CCDC192: variants seen among roughly 807,000 people sequenced by gnomAD.
CCDC192 encodes coiled-coil domain containing 192, also known as coiled-coil domain-containing protein 192.
intron 2 of CCDC192, among the ~76,000 whole-genome samples, chr5:127,748,904 CTGTT>C (rs1267728387): frequency 1.3e-5 from 2 of 151,482 alleles, no homozygotes; most frequent in African/African-American, 2.4e-5. Context: ...ATTTGGCTCT[CTGTT>C]TGTCTGTTGT....
intron 3 of CCDC192, among the ~76,000 whole-genome samples, chr5:127,769,816 G>A (rs1755445478): frequency 1.3e-5 from 2 of 152,202 alleles, no homozygotes; most frequent in Admixed American, 6.5e-5. Context: ...CAATAACGTA[G>A]TCGAGGGCAG....
At chr5:127,845,468 G>A (rs754268128) in intron 5 of CCDC192, among the ~76,000 whole-genome samples, 3 of 152,164 alleles carry the variant, frequency 2.0e-5, no homozygotes, top group Non-Finnish European at 2.9e-5. Flanking sequence ...AAACCACATG[G>A]GACAGACTTG....
chr5:127,902,731 AG>A lies in CCDC192; in HGVS notation c.535+27071del, dbSNP rs556898966. ...TGTTCTGGGTTCATGTGCATCATAG[AG>A]TAACCTCCTGGGCAATTAGCAGTGG... On this transcript the variant is annotated intron_variant, in intron 6 of 6. Transcript: ENST00000514853. 2.3e-3 allele frequency among the ~76,000 whole-genome samples: 353 copies of A among 152,352 alleles called. 1 individual carries two copies. Among genetic ancestry groups the A allele is most frequent in the African/African-American group, 8.1e-3 (335 of 41,580 alleles).
Position 127,773,156 on chromosome 5 carries a change from A to G in CCDC192, c.222+18781A>G, listed in dbSNP as rs78240715. 1.3e-3 allele frequency among the ~76,000 whole-genome samples: 198 copies of G among 152,356 alleles called. No individual in the cohort carries two copies. The East Asian group carries it at 0.019, about 15-fold the overall frequency. ...TACCCACCTGAGGTTTGTATTTATT[A>G]ATTTAAAATGAAACCAGTGAATCCA... On this transcript the variant is annotated intron_variant, in intron 3 of 6. Coordinates refer to ENST00000514853, the MANE Select transcript of CCDC192 (RefSeq NM_001317938.2).
At chr5:127,843,023 A>C (rs923085405) in intron 5 of CCDC192, among the ~76,000 whole-genome samples, 2 of 141,088 alleles carry the variant, frequency 1.4e-5, no homozygotes, top group Non-Finnish European at 3.0e-5. Context: ...GCTGTATTTT[A>C]GTCAAGTTTT....
At chr5:127,880,280 T>G (rs1335538688) in intron 6 of CCDC192, among the ~76,000 whole-genome samples, 1 of 152,018 alleles carries the variant, frequency 6.6e-6, no homozygotes. Context: ...CCATAAAAAG[T>G]GATGAGTTCA....
At chr5:127,717,954 G>GAACAA (rs1030106577) in intron 2 of CCDC192, among the ~76,000 whole-genome samples, 3 of 125,776 alleles carry the variant, frequency 2.4e-5, no homozygotes, top group South Asian at 2.6e-4. Context: ...AAGAAAACAA[G>GAACAA]AACAAAACAA....
chr5:127,836,262 A>G (rs1750030313), intron 5 of CCDC192, among the ~76,000 whole-genome samples: 1 of 152,184 alleles, frequency 6.6e-6, no homozygotes, highest in South Asian at 2.1e-4. Flanking sequence ...ACACTGATAC[A>G]AGAGGTGGGC....
chr5:127,889,731 C>A (rs1023251407), intron 6 of CCDC192, among the ~76,000 whole-genome samples: 1 of 152,210 alleles, frequency 6.6e-6, no homozygotes, highest in African/African-American at 2.4e-5. Context: ...TGATTGGCCT[C>A]CCTACCCCAG....
At chr5:127,788,507 CTTAAA>C (rs759065239) in intron 3 of CCDC192, among the ~76,000 whole-genome samples, 62 of 152,232 alleles carry the variant, frequency 4.1e-4, no homozygotes, top group Admixed American at 7.9e-4. Context: ...GTCAAAGTCA[CTTAAA>C]TTAAAATATT....
chr5:127,726,983 A>G (rs1485224351), intron 2 of CCDC192, among the ~76,000 whole-genome samples: 1 of 152,194 alleles, frequency 6.6e-6, no homozygotes, highest in Non-Finnish European at 1.5e-5. Context: ...CACATTATAC[A>G]GGAGCATTCC....
intron 6 of CCDC192, among the ~76,000 whole-genome samples, chr5:127,882,242 C>T (rs1752385682): frequency 6.6e-6 from 1 of 152,216 alleles, no homozygotes; most frequent in African/African-American, 2.4e-5. Flanking sequence ...CACTACACAA[C>T]TTATCCCATT....
intron 3 of CCDC192, chr5:127,786,250 C>G (rs1009601058): frequency 4.3e-6 from 3 of 691,080 alleles, no homozygotes; most frequent in African/African-American, 1.8e-5. Flanking sequence ...CTGAAGCACA[C>G]AAGCCTCTGC....
intron 5 of CCDC192, among the ~76,000 whole-genome samples, chr5:127,851,285 A>G (rs1056518391): frequency 4.6e-5 from 7 of 152,184 alleles, no homozygotes; most frequent in African/African-American, 1.4e-4. Flanking sequence ...TCAGCTTCCT[A>G]CCACCATGCA....
At chr5:127,870,873 A>G (rs1000423566) in intron 5 of CCDC192, among the ~76,000 whole-genome samples, 8 of 152,232 alleles carry the variant, frequency 5.3e-5, no homozygotes, top group South Asian at 2.1e-4. Flanking sequence ...TTGATTGGCT[A>G]TTAGAAGAGA....
At chr5:127,736,635 G>A (rs540819781) in intron 2 of CCDC192, among the ~76,000 whole-genome samples, 68 of 151,904 alleles carry the variant, frequency 4.5e-4, no homozygotes, top group African/African-American at 1.6e-3. Context: ...CAGAGATTCA[G>A]CTTCTTCCTG....
chr5:127,901,411 T>A (rs1580810224), intron 6 of CCDC192, among the ~76,000 whole-genome samples: 1 of 152,040 alleles, frequency 6.6e-6, no homozygotes, highest in Non-Finnish European at 1.5e-5. Context: ...TTTGTATATA[T>A]AAGGGGGAGG....
chr5:127,921,340 TAAA>T (rs1753715912), intron 6 of CCDC192, among the ~76,000 whole-genome samples: 1 of 149,482 alleles, frequency 6.7e-6, no homozygotes, highest in African/African-American at 2.5e-5. Context: ...ATTAGTATAC[TAAA>T]TAAACCACTC....
At chr5:127,933,692 A>C (rs1754113797) in intron 6 of CCDC192, among the ~76,000 whole-genome samples, 1 of 152,172 alleles carries the variant, frequency 6.6e-6, no homozygotes, top group Admixed American at 6.5e-5. Context: ...GTGGTCCTCC[A>C]AAATATGTAT....
Sources: gnomAD v4.1 joint callset for allele counts (sites outside exome capture counted in the v4.1 genomes callset) on GRCh38, gnomAD v4.1.1 for gene constraint, MANE v1.5 for transcripts, NCBI Gene and HGNC (gene_info 2026-07-23, HGNC 2026-07-21) for gene names.